The following MYEF2 variants were observed in gnomAD, a reference collection of about 807,000 sequenced individuals.
The protein encoded by MYEF2 is myelin gene expression factor 2.
Under a neutral mutation model 75.2 loss-of-function variants are expected in MYEF2, and 37 were observed. That is an observed-to-expected ratio of 0.49 (90% CI 0.38 to 0.65). The LOEUF (loss-of-function observed/expected upper bound fraction) is 0.65, where lower values mean the gene tolerates loss of function less well. MYEF2 is among the 30% of genes least tolerant of loss of function. The probability of loss-of-function intolerance (pLI) is 0.00; values close to 1 mark genes in which losing one functional copy is unlikely to be tolerated. For synonymous variants in MYEF2, 195 were observed against 241.6 expected, an observed-to-expected ratio of 0.81 and a Z score of 1.79; for missense variants, 634 against 771.4, an observed-to-expected ratio of 0.82 and a Z score of 2.11.
intron 13 of MYEF2, 59 bp downstream of exon 13, chr15:48,151,413 AC>A (rs1218130119): frequency 4.1e-6 from 6 of 1,480,690 alleles, no homozygotes; most frequent in Non-Finnish European, 5.6e-6. Context: ...AAAAAGAGAA[AC>A]CAAATTTCAA....
intron 2 of MYEF2, among the ~76,000 whole-genome samples, chr15:48,167,694 A>T (rs1372297136): frequency 6.6e-6 from 1 of 152,144 alleles, no homozygotes; most frequent in Non-Finnish European, 1.5e-5. Context: ...ACATATACAT[A>T]CAAATGGTCC....
chr15:48,172,481 T>A (rs914590880), intron 1 of MYEF2, among the ~76,000 whole-genome samples: 3 of 147,364 alleles, frequency 2.0e-5, no homozygotes, highest in Non-Finnish European at 4.5e-5. Flanking sequence ...CAGTCCAAAC[T>A]TAGTAGAAAG....
chr15:48,170,117 T>TTGC (rs1370857112), intron 1 of MYEF2, among the ~76,000 whole-genome samples: 1 of 151,986 alleles, frequency 6.6e-6, no homozygotes, highest in Non-Finnish European at 1.5e-5. Context: ...GGGGTTTTTG[T>TTGC]TGCTGTTGTT....
chr15:48,157,807 A>G (rs1251001847), intron 9 of MYEF2, 186 bp downstream of exon 9: 4 of 1,318,834 alleles, frequency 3.0e-6, no homozygotes, highest in Non-Finnish European at 3.9e-6. Context: ...AGAGAAAAAA[A>G]AAATGGCACG....
At chr15:48,165,467 T>A (rs2040100872) in intron 5 of MYEF2, among the ~76,000 whole-genome samples, 1 of 152,110 alleles carries the variant, frequency 6.6e-6, no homozygotes, top group Non-Finnish European at 1.5e-5. Context: ...AACAAAGTTA[T>A]AATTTTTCTT....
At position 48,157,979 on chromosome 15, in the gene MYEF2, T is replaced by A. The variant is rs777996793; in HGVS notation, c.985+14A>T. On this transcript the variant is annotated intron_variant, in intron 9 of 16. Transcript: ENST00000324324. ...AAAAAGCCTATGTTGTTTCTCATAA[T>A]AGCTTTTACTTACGTGGTAATTGTG... The A allele has an allele frequency of 6.2e-7, 1 of 1,612,708 alleles. No individual in the cohort carries two copies. Among genetic ancestry groups the A allele is most frequent in the South Asian group, 1.1e-5 (1 of 91,010 alleles).
At chr15:48,168,499 T>A (rs898119054) in intron 2 of MYEF2, 132 bp downstream of exon 2, 19 of 674,040 alleles carry the variant, frequency 2.8e-5, no homozygotes, top group Non-Finnish European at 4.5e-5. Context: ...AGGAAAAGAT[T>A]AATTCACATG....
At chr15:48,172,245 C>A (rs2040366943) in intron 1 of MYEF2, among the ~76,000 whole-genome samples, 1 of 151,974 alleles carries the variant, frequency 6.6e-6, no homozygotes, top group African/African-American at 2.4e-5. Flanking sequence ...ACTAAAAATA[C>A]AAAAATTAGC....
intron 7 of MYEF2, among the ~76,000 whole-genome samples, 175 bp from the exon 8 acceptor site, chr15:48,158,399 C>T (rs771847312): frequency 6.6e-5 from 10 of 152,206 alleles, no homozygotes; most frequent in Middle Eastern, 3.4e-3. Context: ...CTTTGCTTTA[C>T]GGTTTTATTT....
chr15:48,157,975 A>AT lies in MYEF2; in HGVS notation c.985+17dup. 2 of 1,612,694 alleles carry AT rather than the reference A, an allele frequency of 1.2e-6. No homozygotes were observed. ...CCAAAAAAAGCCTATGTTGTTTCTC[A>AT]TAATAGCTTTTACTTACGTGGTAAT... On this transcript the variant is annotated intron_variant, in intron 9 of 16. Transcript: ENST00000324324.
rs2040636205 is a variant in MYEF2, at chr15:48,178,278, G to T, written c.-41C>A. 8 of 1,363,596 alleles carry T rather than the reference G, an allele frequency of 5.9e-6. No homozygotes were observed. The highest frequency in any genetic ancestry group is 3.1e-5 in the East Asian group (1 of 32,578). 84.5% of individuals were successfully genotyped at this position (1,363,596 alleles called of 1,614,324 possible). The stretch of plus-strand genomic sequence containing the variant: ...TCCGCCTCGGCCGCCTGAGCTGAGG[G>T]GCTCCGAGCGCGACAATGGCGGCTG... On this transcript the variant is annotated 5_prime_UTR_variant, in exon 1 of 17. Transcript: ENST00000324324.
At chr15:48,177,841 C>T (rs1347362445) in intron 1 of MYEF2, among the ~76,000 whole-genome samples, 1 of 152,152 alleles carries the variant, frequency 6.6e-6, no homozygotes, top group African/African-American at 2.4e-5. Flanking sequence ...CAGGGAAGAG[C>T]GCTGGTCCCC....
chr15:48,159,789 T>C lies in MYEF2; in HGVS notation c.541A>G (p.Asn181Asp). Residue 181 changes from asparagine to aspartate, a missense_variant, in exon 6 of 17, where the codon AAT (asparagine) becomes GAT (aspartate). Asn to Asp is a conservative substitution (Grantham distance 23, BLOSUM62 1). Transcript: ENST00000324324. ...LNIKEDPDGE[N>D]ARRALQRTGG... Reference sequence around the variant, plus strand: ...GTTCGCTGCAATGCCCTACGAGCATTTTCTCCATCAGGATCCTATAACACA... The same window carrying C: ...GTTCGCTGCAATGCCCTACGAGCATCTTCTCCATCAGGATCCTATAACACA... 1 of 1,612,780 alleles carries C rather than the reference T, an allele frequency of 6.2e-7. No individual in the cohort carries two copies. The highest frequency in any genetic ancestry group is 8.5e-7 in the Non-Finnish European group (1 of 1,179,426).
chr15:48,134,881 C>T lies in MYEF2; in HGVS notation c.*8027G>A, dbSNP rs774164778. 4 of 1,598,184 alleles carry T rather than the reference C, an allele frequency of 2.5e-6. No homozygotes were observed. The highest frequency in any genetic ancestry group is 1.3e-5 in the African/African-American group (1 of 74,506). ...ATGGAAATAATAACTTACCATATTA[C>T]AGGTCTCAACACTATCATGTTGGCC... On this transcript the variant is annotated 3_prime_UTR_variant, in exon 17 of 17. Transcript: ENST00000324324.
At position 48,136,934 on chromosome 15, in the gene MYEF2, G is replaced by C. The variant is rs1342136388; in HGVS notation, c.*5974C>G. On this transcript the variant is annotated 3_prime_UTR_variant, in exon 17 of 17. Coordinates refer to ENST00000324324, the MANE Select transcript of MYEF2 (RefSeq NM_016132.5). ...TCTGGCTACTCTCAGCTCTCTATAA[G>C]TTTACATGGCCTTAGTCAGGTTTCT... is the stretch of plus-strand genomic sequence containing the variant. 6 of 1,613,246 alleles carry C rather than the reference G, an allele frequency of 3.7e-6. No individual in the cohort carries two copies. The South Asian group carries it at 6.6e-5, about 18-fold the overall frequency.
In MYEF2 at chr15:48,136,870, C is replaced by T. The variant is rs1372956690; in HGVS notation, c.*6038G>A. The T allele has an allele frequency of 6.2e-7, 1 of 1,613,688 alleles. No individual in the cohort carries two copies. Among genetic ancestry groups the T allele is most frequent in the East Asian group, 2.2e-5 (1 of 44,892 alleles). On this transcript the variant is annotated 3_prime_UTR_variant, in exon 17 of 17. Transcript: ENST00000324324. ...AGATGAAGGTCAACCATTCATTCGT[C>T]GGCAATCAAGAACTGATAGTGGAAT...
Position 48,149,368 on chromosome 15 carries a change from C to T in MYEF2, c.1382G>A (p.Gly461Asp), listed in dbSNP as rs778203220. ...NMGPVGSGIS[G>D]GMGSMNSVTG... ...CACACTGTTCATGCTACCCATTCCA[C>T]CACCTGGATTTTCAAGAAAGGACGG... is the stretch of plus-strand genomic sequence containing the variant. The change falls in exon 15 of 17, where the codon GGT becomes GAT. Residue 461 changes from glycine (G) to aspartate (D), a missense_variant. Gly to Asp is a moderately conservative substitution (Grantham distance 94, BLOSUM62 -1). Coordinates refer to ENST00000324324, the MANE Select transcript of MYEF2 (RefSeq NM_016132.5). The surrounding 1 kb of genome is among the most constrained non-coding windows in gnomAD (Gnocchi z 4.0). 2 of 1,611,844 alleles carry T rather than the reference C, an allele frequency of 1.2e-6. No homozygotes were observed. Among genetic ancestry groups the T allele is most frequent in the Admixed American group, 3.3e-5 (2 of 59,852 alleles).
chr15:48,151,400 C>T, intron 13 of MYEF2, 73 bp downstream of exon 13: 1 of 1,396,008 alleles, frequency 7.2e-7, no homozygotes, highest in Non-Finnish European at 1.0e-6. Flanking sequence ...TGATTTTTCA[C>T]AAAAAAAGAG....
chr15:48,141,059 A>C lies in MYEF2; in HGVS notation c.*1849T>G, dbSNP rs1250034771. 2.1e-6 allele frequency: 3 copies of C among 1,401,234 alleles called. No individual in the cohort carries two copies. The highest frequency in any genetic ancestry group is 3.0e-6 in the Non-Finnish European group (3 of 997,246). 86.8% of individuals were successfully genotyped at this position (1,401,234 alleles called of 1,614,324 possible). On this transcript the variant is annotated 3_prime_UTR_variant, in exon 17 of 17. Coordinates refer to ENST00000324324, the MANE Select transcript of MYEF2 (RefSeq NM_016132.5). ...AAGGAAATATCCAAAATAACTGCAAAGGATGGTTAGTGAATCTTTAAGATT... is the reference window on the plus strand; with the variant it reads ...AAGGAAATATCCAAAATAACTGCAACGGATGGTTAGTGAATCTTTAAGATT...
Sources: gnomAD v4.1 joint callset for allele counts (sites outside exome capture counted in the v4.1 genomes callset) on GRCh38, gnomAD v4.1.1 for gene constraint, Gnocchi (gnomAD v3.1) non-coding constraint, MANE v1.5 for transcripts, NCBI Gene and HGNC (gene_info 2026-07-23, HGNC 2026-07-21) for gene names.